Variants in CTNND2 observed in about 807,000 individuals in gnomAD.
CTNND2 encodes the protein catenin delta-2.
Under a neutral mutation model 144.4 loss-of-function variants are expected in CTNND2, and 22 were observed. That is an observed-to-expected ratio of 0.15 (90% CI 0.11 to 0.22). CTNND2 has a LOEUF of 0.22. CTNND2 is among the 10% of genes least tolerant of loss of function. The pLI is 1.00. For missense variants in CTNND2, 1,353 were observed against 1,618.8 expected (o/e 0.84, Z 2.82); for synonymous variants, 751 against 695.6 (o/e 1.08, Z -1.25).
chr5:11,829,364 G>C (rs1372073279), intron 1 of CTNND2, among the ~76,000 whole-genome samples: 1 of 152,176 alleles, frequency 6.6e-6, no homozygotes, highest in Non-Finnish European at 1.5e-5. Flanking sequence ...TCCCATCACA[G>C]GCCAGGAGGT....
At chr5:11,430,175 C>T (rs570351047) in intron 3 of CTNND2, among the ~76,000 whole-genome samples, 38 of 146,986 alleles carry the variant, frequency 2.6e-4, no homozygotes, top group Non-Finnish European at 4.3e-4. Context: ...GCTTGAAACC[C>T]GGAGCGGAAG....
At chr5:11,106,775 A>G (rs1436481310) in intron 14 of CTNND2, among the ~76,000 whole-genome samples, 1 of 152,142 alleles carries the variant, frequency 6.6e-6, no homozygotes, top group African/African-American at 2.4e-5. Flanking sequence ...AGTTGTCACA[A>G]AAGACTACAA....
intron 3 of CTNND2, among the ~76,000 whole-genome samples, chr5:11,421,540 T>C (rs1306598964): frequency 6.6e-6 from 1 of 152,182 alleles, no homozygotes; most frequent in Non-Finnish European, 1.5e-5. Context: ...TATGGCTTAC[T>C]CTAATCTATT....
chr5:11,130,413 G>C (rs754929060), intron 12 of CTNND2, among the ~76,000 whole-genome samples: 2 of 152,150 alleles, frequency 1.3e-5, no homozygotes, highest in Admixed American at 6.5e-5. Flanking sequence ...GAGAAGCCCA[G>C]AGCGGAACCA....
intron 7 of CTNND2, among the ~76,000 whole-genome samples, chr5:11,378,775 G>A (rs915516718): frequency 1.5e-4 from 23 of 151,924 alleles, no homozygotes; most frequent in Admixed American, 7.2e-4. Flanking sequence ...TTTCATCTAG[G>A]ACTAGACTCT....
At chr5:11,129,864 A>G (rs1490805920) in intron 12 of CTNND2, among the ~76,000 whole-genome samples, 1 of 152,138 alleles carries the variant, frequency 6.6e-6, no homozygotes, top group Non-Finnish European at 1.5e-5. Flanking sequence ...TATTACCCGC[A>G]TTAGGATTAG....
chr5:11,045,852 A>T (rs908349699), intron 16 of CTNND2, among the ~76,000 whole-genome samples: 5 of 151,962 alleles, frequency 3.3e-5, no homozygotes, highest in Admixed American at 3.3e-4. Flanking sequence ...CTCCTCTCCC[A>T]TCCCTCCTTT....
chr5:11,276,626 T>A (rs188757797), intron 9 of CTNND2, among the ~76,000 whole-genome samples: 1 of 152,270 alleles, frequency 6.6e-6, no homozygotes, highest in Non-Finnish European at 1.5e-5. Flanking sequence ...TACATCCAAG[T>A]GCTAATACCC....
intron 12 of CTNND2, among the ~76,000 whole-genome samples, chr5:11,125,760 C>CTAA (rs1754611999): frequency 2.6e-5 from 4 of 152,202 alleles, no homozygotes; most frequent in Admixed American, 6.5e-5. Context: ...AATATTAAGA[C>CTAA]AGCGGGGGAA....
At chr5:11,304,641 G>A (rs563583823) in intron 9 of CTNND2, among the ~76,000 whole-genome samples, 35 of 152,110 alleles carry the variant, frequency 2.3e-4, no homozygotes, top group Non-Finnish European at 2.1e-4. Context: ...TGCAAGAAAG[G>A]GGCCAGGGGT....
At chr5:11,448,839 T>TG (rs531005828) in intron 3 of CTNND2, among the ~76,000 whole-genome samples, 2,723 of 151,540 alleles carry the variant, frequency 0.018, 90 homozygotes, top group African/African-American at 0.061. Flanking sequence ...TGGCTTTTTG[T>TG]GTTTTTTTTT....
At chr5:11,097,370 T>C (rs1047028212) in intron 15 of CTNND2, among the ~76,000 whole-genome samples, 1 of 152,174 alleles carries the variant, frequency 6.6e-6, no homozygotes, top group African/African-American at 2.4e-5. Flanking sequence ...AAGCAAGAGA[T>C]GTGTACAACT....
chr5:11,678,794 A>C (rs2126621274), intron 2 of CTNND2, among the ~76,000 whole-genome samples: 1 of 152,188 alleles, frequency 6.6e-6, no homozygotes, highest in Non-Finnish European at 1.5e-5. Flanking sequence ...AAAAAAGTAA[A>C]ATGTTCCGGC....
chr5:11,627,452 A>G (rs2126454066), intron 2 of CTNND2, among the ~76,000 whole-genome samples: 1 of 152,282 alleles, frequency 6.6e-6, no homozygotes, highest in East Asian at 1.9e-4. Flanking sequence ...CCATGATTCT[A>G]TAGTATAACA....
rs563468212 is a variant in CTNND2 at position 11,389,618 on chromosome 5, G to T, written c.613-4389C>A. Among the ~76,000 whole-genome samples, 21 of 152,218 alleles carry T rather than the reference G, an allele frequency of 1.4e-4. 1 individual carries two copies. In the Middle Eastern group the frequency reaches 0.01, roughly 74 times the overall value. On this transcript the variant is annotated intron_variant, in intron 6 of 21. Coordinates refer to ENST00000304623, the MANE Select transcript of CTNND2 (RefSeq NM_001332.4). ...AGTATAGTAGAAAAAATATTGAAAT[G>T]GGAAGTTAGGGAATATGTACATTAT...
intron 9 of CTNND2, among the ~76,000 whole-genome samples, chr5:11,311,762 C>G (rs1750898362): frequency 7.1e-6 from 1 of 141,838 alleles, no homozygotes; most frequent in African/African-American, 2.7e-5. Flanking sequence ...CACACTCACT[C>G]TCCATGCACC....
intron 11 of CTNND2, among the ~76,000 whole-genome samples, chr5:11,161,527 T>A (rs1285726250): frequency 6.6e-6 from 1 of 152,202 alleles, no homozygotes; most frequent in Non-Finnish European, 1.5e-5. Context: ...TTGCCAAAGT[T>A]TGGTAATCTA....
chr5:11,088,016 A>T (rs1750359889), intron 15 of CTNND2, among the ~76,000 whole-genome samples: 1 of 152,212 alleles, frequency 6.6e-6, no homozygotes, highest in Non-Finnish European at 1.5e-5. Context: ...AGCTATCTCA[A>T]GGATTAGTAA....
chr5:11,166,398 A>ACCCG, intron 11 of CTNND2, among the ~76,000 whole-genome samples: 1 of 148,330 alleles, frequency 6.7e-6, no homozygotes, highest in South Asian at 2.1e-4. Context: ...ACAGGCGTGC[A>ACCCG]CCACCACGCC....
Sources: gnomAD v4.1 joint callset for allele counts (sites outside exome capture counted in the v4.1 genomes callset) on GRCh38, gnomAD v4.1.1 for gene constraint, MANE v1.5 for transcripts, NCBI Gene and HGNC (gene_info 2026-07-23, HGNC 2026-07-21) for gene names.